The following CLSPN variants were observed in gnomAD, a reference collection of about 807,000 sequenced individuals.
CLSPN encodes the protein claspin, also known as claspin homolog.
In CLSPN, 85 loss-of-function variants were observed where a neutral mutation model predicts 156.3. The ratio of observed to expected loss-of-function variants is 0.54; its 90% CI spans 0.46 to 0.65. The LOEUF (loss-of-function observed/expected upper bound fraction) is 0.65. CLSPN is among the 30% of genes least tolerant of loss of function. CLSPN has a pLI of 0.00. For missense variants in CLSPN, 1,407 were observed against 1,554.9 expected, an observed-to-expected ratio of 0.90 and a Z score of 1.60; for synonymous variants, 534 against 542.4, an observed-to-expected ratio of 0.98 and a Z score of 0.22.
Position 35,762,464 on chromosome 1 carries a change from CA to C in CLSPN, c.761del (p.Leu254TrpfsTer28). On this transcript the variant is annotated frameshift_variant, in exon 5 of 25. Transcript: ENST00000318121. LOFTEE classifies it high-confidence loss of function. ...VKKHKKKEPS[L>X]ESGVHSFEEG... is the part of the protein sequence containing the mutation. ...CCTCAAATGAATGGACCCCACTCTC[CA>C]AAGATGGTTCTTTTTTCTAAAAGAA... The C allele has an allele frequency of 6.2e-7, 1 of 1,613,762 alleles. No homozygotes were observed. The highest frequency in any genetic ancestry group is 8.5e-7 in the Non-Finnish European group (1 of 1,179,840).
chr1:35,733,518 A>T lies in CLSPN; in HGVS notation c.*2978T>A, dbSNP rs936041699. The T allele has an allele frequency of 5.1e-6, 5 of 985,128 alleles. No homozygotes were observed. The African/African-American group carries it at 8.7e-5, about 17-fold the overall frequency. 61.0% of individuals were successfully genotyped at this position (985,128 alleles called of 1,614,324 possible). On this transcript the variant is annotated 3_prime_UTR_variant, in exon 25 of 25. Transcript: ENST00000318121. The stretch of plus-strand genomic sequence containing the variant: ...TCCTCAAAAGACATGTAGGGAAACA[A>T]GAGGGAAGAAATATCTAGCCTTCCT...
chr1:35,760,555 G>C lies in CLSPN; in HGVS notation c.1366C>G (p.Leu456Val), dbSNP rs1460942615. 5 of 1,614,166 alleles carry C rather than the reference G, an allele frequency of 3.1e-6. No homozygotes were observed. The highest frequency in any genetic ancestry group is 4.2e-6 in the Non-Finnish European group (5 of 1,180,032). ...GGATTTTGGGGGCCTTCACCCTCCAGGGCATGAGGTTCAAATGCTACAAGC... is the reference window on the plus strand; with the variant it reads ...GGATTTTGGGGGCCTTCACCCTCCACGGCATGAGGTTCAAATGCTACAAGC... Reference protein sequence around the residue: ...GGLVAFEPHALEGEGPQNPEE... With the variant: ...GGLVAFEPHAVEGEGPQNPEE... The change falls in exon 8 of 25, where the codon CTG becomes GTG. Residue 456 changes from leucine to valine, a missense_variant. By Grantham distance (32) the Leu-to-Val change is conservative (BLOSUM62 1). Coordinates refer to ENST00000318121, the MANE Select transcript of CLSPN (RefSeq NM_022111.4).
At chr1:35,737,276 G>T in intron 23 of CLSPN, 63 bp downstream of exon 23, 2 of 1,441,030 alleles carry the variant, frequency 1.4e-6, no homozygotes, top group Non-Finnish European at 2.0e-6. Context: ...TATTCTCTAA[G>T]CTGGACCTGG....
chr1:35,723,604 G>A (rs1641119601), intron 24 of CLSPN, among the ~76,000 whole-genome samples: 1 of 152,228 alleles, frequency 6.6e-6, no homozygotes, highest in Non-Finnish European at 1.5e-5. Flanking sequence ...GTATCATACA[G>A]TTACAGAGTG....
rs191309715 is a variant in CLSPN at position 35,763,116 on chromosome 1, C to T, written c.744+44G>A. The T allele has an allele frequency of 1.5e-3, 2,211 of 1,431,232 alleles. 27 individuals are homozygous for T. In the African/African-American group the frequency reaches 0.022, roughly 14 times the overall value. The allele number at this position is 1,431,232 out of a possible 1,614,324, so 88.7% of individuals were successfully genotyped here. A position where few individuals can be genotyped will look rare whatever the true frequency, so the allele number is the denominator to read the frequency against. The stretch of plus-strand genomic sequence containing the variant: ...AGTAAATTAAAAATATAGCAAAGGT[C>T]AGAAGCAGTTGATTAACTCTTATTG... On this transcript the variant is annotated intron_variant, in intron 4 of 24. Transcript: ENST00000318121.
intron 16 of CLSPN, among the ~76,000 whole-genome samples, chr1:35,744,987 G>A (rs898255336): frequency 6.6e-6 from 1 of 152,006 alleles, no homozygotes; most frequent in African/African-American, 2.4e-5. Flanking sequence ...CTAATTTTTT[G>A]TATTTAGTAG....
chr1:35,764,010 G>C (rs1239133525), intron 3 of CLSPN, among the ~76,000 whole-genome samples: 1 of 151,926 alleles, frequency 6.6e-6, no homozygotes, highest in Non-Finnish European at 1.5e-5. Flanking sequence ...CTGTTGCCTA[G>C]GCTGTTCTCG....
intron 24 of CLSPN, among the ~76,000 whole-genome samples, chr1:35,724,000 G>T (rs757235553): frequency 6.6e-6 from 1 of 152,122 alleles, no homozygotes; most frequent in Admixed American, 6.6e-5. Flanking sequence ...CAAAGAAAAG[G>T]AATAGACAGA....
intron 1 of CLSPN, among the ~76,000 whole-genome samples, chr1:35,768,621 A>G (rs1327464829): frequency 2.0e-5 from 3 of 149,942 alleles, no homozygotes; most frequent in Admixed American, 6.7e-5. Context: ...CATGTTTTCT[A>G]TGCAGGCTGG....
chr1:35,737,401 G>C lies in CLSPN; in HGVS notation c.3685C>G (p.Gln1229Glu), dbSNP rs1401799006. The change falls in exon 23 of 25, where the codon CAG (glutamine) becomes GAG (glutamate). Residue 1229 changes from glutamine (Q) to glutamate (E), a missense_variant. This residue lies in a region of CLSPN where 241 missense variants were observed against 240.5 expected (regional missense o/e 1.00). Coordinates refer to ENST00000318121, the MANE Select transcript of CLSPN (RefSeq NM_022111.4). ...TTTCTGAGCAAAGACTTTGATTCCT[G>C]AATAACCATAGGGCGACTGGCTGGA... ...QKNASRPMVI[Q>E]ESKSLLRNPF... 2 of 1,613,818 alleles carry C rather than the reference G, an allele frequency of 1.2e-6. No homozygotes were observed. The highest frequency in any genetic ancestry group is 1.7e-6 in the Non-Finnish European group (2 of 1,179,886).
At chr1:35,759,153 G>A (rs976094751) in intron 8 of CLSPN, among the ~76,000 whole-genome samples, 5 of 152,160 alleles carry the variant, frequency 3.3e-5, no homozygotes, top group Non-Finnish European at 7.3e-5. Context: ...TCAGTGTTGA[G>A]GGATCATTCA....
intron 13 of CLSPN, 47 bp from the exon 14 acceptor site, chr1:35,748,108 T>C: frequency 6.3e-7 from 1 of 1,575,552 alleles, no homozygotes; most frequent in Non-Finnish European, 8.6e-7. Context: ...TTTACAAATG[T>C]CAGTCATTGT....
In CLSPN at chr1:35,745,504, A is replaced by C; in HGVS notation, c.2913T>G (p.Gly971=). 1 of 1,614,074 alleles carries C rather than the reference A, an allele frequency of 6.2e-7. No homozygotes were observed. The highest frequency in any genetic ancestry group is 8.5e-7 in the Non-Finnish European group (1 of 1,179,980). ...GAGCAAGTGCTTCTTCCATTGGATC[A>C]CCCATGCTGCTCTCCTTCTCCTGTT... ...LNKQEKESSM[G]DPMEEALALC... is the part of the protein sequence containing the mutation. Residue 971 remains glycine (G), a synonymous_variant, in exon 16 of 25, where the codon GGT becomes GGG. Coordinates refer to ENST00000318121, the MANE Select transcript of CLSPN (RefSeq NM_022111.4).
chr1:35,733,877 A>G lies in CLSPN; in HGVS notation c.*2619T>C. Reference sequence around the variant, plus strand: ...CTGTAATGTGGCCCAGCTATTCCAAAGGTTGAGGAAGGAGGATGCTGAAGC... The same window carrying G: ...CTGTAATGTGGCCCAGCTATTCCAAGGGTTGAGGAAGGAGGATGCTGAAGC... On this transcript the variant is annotated 3_prime_UTR_variant, in exon 25 of 25. Coordinates refer to ENST00000318121, the MANE Select transcript of CLSPN (RefSeq NM_022111.4). 1 of 575,530 alleles carries G rather than the reference A, an allele frequency of 1.7e-6. No homozygotes were observed. Among genetic ancestry groups the G allele is most frequent in the Non-Finnish European group, 2.2e-6 (1 of 455,884 alleles). The allele number at this position is 575,530 out of a possible 1,614,324, so 35.7% of individuals were successfully genotyped here. A position where few individuals can be genotyped will look rare whatever the true frequency, so the allele number is the denominator to read the frequency against.
At chr1:35,742,731 T>C (rs907685128) in intron 18 of CLSPN, among the ~76,000 whole-genome samples, 1 of 149,966 alleles carries the variant, frequency 6.7e-6, no homozygotes, top group Non-Finnish European at 1.5e-5. Context: ...ACAGGACATA[T>C]TAAGTGATCA....
At chr1:35,764,801 G>T in intron 2 of CLSPN, 87 bp from the exon 3 acceptor site, 1 of 817,928 alleles carries the variant, frequency 1.2e-6, no homozygotes, top group Non-Finnish European at 1.8e-6. Context: ...TTTTATACAA[G>T]TGATATATAA....
intron 13 of CLSPN, 132 bp from the exon 14 acceptor site, chr1:35,748,193 A>G: frequency 1.8e-6 from 2 of 1,081,248 alleles, no homozygotes; most frequent in South Asian, 1.5e-5. Flanking sequence ...GGGACAATAC[A>G]CAGCCATGAG....
In CLSPN at chr1:35,746,060, C is replaced by G. The variant is rs1010967068; in HGVS notation, c.2855-498G>C. Among the ~76,000 whole-genome samples the G allele has an allele frequency of 1.3e-5, 2 of 151,972 alleles. No homozygotes were observed. Among genetic ancestry groups the G allele is most frequent in the Admixed American group, 1.3e-4 (2 of 15,262 alleles). On this transcript the variant is annotated intron_variant, in intron 15 of 24. Transcript: ENST00000318121. This position sits in a 1 kb window ranked among gnomAD's most constrained non-coding sequence, Gnocchi z 4.2. The stretch of plus-strand genomic sequence containing the variant: ...TCCGGGGTTCAAGCAGTTCTCCTGT[C>G]TCAGCCTCCCAAGTAGCTGCGATTA...
chr1:35,732,926 G>T lies in CLSPN; in HGVS notation c.*3570C>A, dbSNP rs1397937577. 29 of 985,210 alleles carry T rather than the reference G, an allele frequency of 2.9e-5. No individual in the cohort carries two copies. Among genetic ancestry groups the T allele is most frequent in the Non-Finnish European group, 3.4e-5 (28 of 829,910 alleles). The allele number at this position is 985,210 out of a possible 1,614,324, so 61.0% of individuals were successfully genotyped here. ...GACTCAAGTTTTCTTTCTCCAAAGAGTGCTTTCTCCCAGGAGCCTCAATCA... is the reference window on the plus strand; with the variant it reads ...GACTCAAGTTTTCTTTCTCCAAAGATTGCTTTCTCCCAGGAGCCTCAATCA... On this transcript the variant is annotated 3_prime_UTR_variant, in exon 25 of 25. Transcript: ENST00000318121.
Sources: gnomAD v4.1 joint callset for allele counts (sites outside exome capture counted in the v4.1 genomes callset) on GRCh38, gnomAD v4.1.1 for gene constraint, gnomAD v4.1.1 regional missense constraint, Gnocchi (gnomAD v3.1) non-coding constraint, MANE v1.5 for transcripts, NCBI Gene and HGNC (gene_info 2026-07-23, HGNC 2026-07-21) for gene names.